Variants in HMCN2 observed in about 807,000 individuals in gnomAD.
HMCN2 encodes hemicentin 2, also known as hemicentin-2.
A neutral mutation model predicts 377.5 loss-of-function variants in HMCN2; 325 were observed. That is an observed-to-expected ratio of 0.86 (90% CI 0.79 to 0.94). The LOEUF (loss-of-function observed/expected upper bound fraction) is 0.94, where lower values mean the gene tolerates loss of function less well. HMCN2 is among the 40% of genes least tolerant of loss of function. HMCN2 has a pLI of 0.00. For missense variants in HMCN2, 4,543 were observed against 4,725.3 expected (o/e 0.96, Z 1.13); for synonymous variants, 2,007 against 2,046.8 (o/e 0.98, Z 0.53).
At position 130,375,833 on chromosome 9, in the gene HMCN2, G is replaced by A. The variant is rs541194022; in HGVS notation, c.7805-43G>A. On this transcript the variant is annotated intron_variant, in intron 50 of 97. Transcript: ENST00000683500. ...GAGCCTGTCCTCATGCCTGGCATGA[G>A]GCTGCAGATTTGGGGTGACCCTGGC... 1.2e-5 allele frequency: 12 copies of A among 983,212 alleles called. No individual in the cohort carries two copies. In the South Asian group the frequency reaches 4.2e-4, roughly 35 times the overall value. The allele number at this position is 983,212 out of a possible 1,614,324, so 60.9% of individuals were successfully genotyped here.
At chr9:130,384,335 T>C (rs1342375760) in intron 57 of HMCN2, 38 bp from the exon 58 acceptor site, 1 of 1,267,258 alleles carries the variant, frequency 7.9e-7, no homozygotes, top group Non-Finnish European at 1.0e-6. Flanking sequence ...CTGGTGTGAT[T>C]CTCATGCCTT....
At chr9:130,412,195 C>T (rs1226112802) in intron 85 of HMCN2, among the ~76,000 whole-genome samples, 1 of 152,184 alleles carries the variant, frequency 6.6e-6, no homozygotes, top group African/African-American at 2.4e-5. Context: ...TGCTCTTGAA[C>T]TTCTGACCTC....
At chr9:130,350,002 G>A (rs1454238901) in intron 29 of HMCN2, among the ~76,000 whole-genome samples, 3 of 140,824 alleles carry the variant, frequency 2.1e-5, no homozygotes, top group Non-Finnish European at 4.5e-5. Context: ...GGCTTCTTGG[G>A]CTCAAGAGAT....
intron 66 of HMCN2, among the ~76,000 whole-genome samples, chr9:130,392,818 A>G (rs1247736629): frequency 6.6e-6 from 1 of 152,026 alleles, no homozygotes; most frequent in Non-Finnish European, 1.5e-5. Context: ...AACACGGTGA[A>G]ACCCCGTCTC....
chr9:130,296,788 T>C lies in HMCN2; in HGVS notation c.1006T>C (p.Leu336=), dbSNP rs1172646059. The change falls in exon 7 of 98, where the codon TTG becomes CTG. Residue 336 remains leucine (L), a synonymous_variant. Coordinates refer to ENST00000683500, the MANE Select transcript of HMCN2 (RefSeq NM_001291815.2). The part of the protein sequence containing the change: ...LDLNHTLEWP[L]QGVPISLVIN... ...CCTCAACCACACCCTCGAGTGGCCC[T>C]TGCAAGGTACAGTACCCCGACCCTA... The C allele has an allele frequency of 2.1e-6, 1 of 470,954 alleles. No individual in the cohort carries two copies. The highest frequency in any genetic ancestry group is 4.4e-6 in the Non-Finnish European group (1 of 227,032). 29.2% of individuals were successfully genotyped at this position (470,954 alleles called of 1,614,324 possible).
intron 85 of HMCN2, among the ~76,000 whole-genome samples, chr9:130,418,420 G>A (rs1201728468): frequency 6.6e-6 from 1 of 152,140 alleles, no homozygotes; most frequent in East Asian, 1.9e-4. Flanking sequence ...AATCAGCCAG[G>A]TGTGGTAGCA....
In HMCN2 at chr9:130,428,489, G is replaced by A; in HGVS notation, c.14197G>A (p.Asp4733Asn). The part of the protein sequence containing the change: ...FRVADGAGCE[D>N]VDECLEGLDD... ...GGTGGCTGATGGGGCCGGCTGTGAA[G>A]GTGATGGGGGCACAGCATGCGGCCT... The change falls in exon 93 of 98, where the codon GAT becomes AAT. Residue 4733 changes from aspartate to asparagine, a missense_variant and splice_region_variant. Coordinates refer to ENST00000683500, the MANE Select transcript of HMCN2 (RefSeq NM_001291815.2). This position sits in a 1 kb window ranked among gnomAD's most constrained non-coding sequence, Gnocchi z 5.0. 1 of 1,539,658 alleles carries A rather than the reference G, an allele frequency of 6.5e-7. No individual in the cohort carries two copies. Among genetic ancestry groups the A allele is most frequent in the Non-Finnish European group, 8.7e-7 (1 of 1,146,870 alleles).
chr9:130,401,056 A>G (rs1469881585), intron 77 of HMCN2, 109 bp downstream of exon 77: 4 of 991,234 alleles, frequency 4.0e-6, no homozygotes, highest in South Asian at 1.6e-5. Context: ...CTGGCCTGGC[A>G]CTGCCTCTCC....
At chr9:130,280,384 G>A (rs565053624) in intron 1 of HMCN2, among the ~76,000 whole-genome samples, 3 of 151,296 alleles carry the variant, frequency 2.0e-5, no homozygotes, top group African/African-American at 7.3e-5. Flanking sequence ...ATGTTAGCCA[G>A]GATGGTCTCG....
At chr9:130,282,959 T>A (rs1279372905) in intron 1 of HMCN2, among the ~76,000 whole-genome samples, 2 of 152,138 alleles carry the variant, frequency 1.3e-5, no homozygotes, top group Admixed American at 6.5e-5. Flanking sequence ...TGGTCCCAGC[T>A]ACTCAGGGGG....
At chr9:130,411,496 A>T (rs1472283101) in intron 85 of HMCN2, among the ~76,000 whole-genome samples, 1 of 148,384 alleles carries the variant, frequency 6.7e-6, no homozygotes, top group Non-Finnish European at 1.5e-5. Flanking sequence ...GTCATTCAGG[A>T]GGCTGAGGCA....
Position 130,404,918 on chromosome 9 carries a change from C to T in HMCN2, c.12198C>T (p.Gly4066=), listed in dbSNP as rs1208968251. Residue 4066 remains glycine (G), a synonymous_variant, in exon 81 of 98, where the codon GGC becomes GGT. Coordinates refer to ENST00000683500, the MANE Select transcript of HMCN2 (RefSeq NM_001291815.2). ...NGLPDLSTTE[G]SHAFLPCKAR... is the part of the protein sequence containing the mutation. ...TCCCAGACCTGTCCACCACCGAAGG[C>T]TCCCACGCCTTCTTGCCTTGCAAGG... is the stretch of plus-strand genomic sequence containing the variant. 8.5e-6 allele frequency: 11 copies of T among 1,287,518 alleles called. No homozygotes were observed. The highest frequency in any genetic ancestry group is 1.0e-5 in the Non-Finnish European group (10 of 987,744). 79.8% of individuals were successfully genotyped at this position (1,287,518 alleles called of 1,614,324 possible).
intron 80 of HMCN2, 116 bp downstream of exon 80, chr9:130,403,991 T>G: frequency 1.0e-6 from 1 of 999,700 alleles, no homozygotes; most frequent in Non-Finnish European, 1.3e-6. Context: ...TAGAAGGAAT[T>G]AAGGGGAAAA....
At position 130,351,898 on chromosome 9, in the gene HMCN2, C is replaced by G. The variant is rs952558796; in HGVS notation, c.4585+321C>G. ...ACCATCTTGGCTCACTGCAACCTCC[C>G]CCTCCCAGATTCAAGTGATTCTCTT... On this transcript the variant is annotated intron_variant, in intron 30 of 97. Coordinates refer to ENST00000683500, the MANE Select transcript of HMCN2 (RefSeq NM_001291815.2). This position sits in a 1 kb window ranked among gnomAD's most constrained non-coding sequence, Gnocchi z 5.4. Among the ~76,000 whole-genome samples the G allele has an allele frequency of 1.3e-5, 2 of 152,060 alleles. No homozygotes were observed. The highest frequency in any genetic ancestry group is 2.9e-5 in the Non-Finnish European group (2 of 68,004).
intron 7 of HMCN2, among the ~76,000 whole-genome samples, chr9:130,297,783 C>G (rs1554932649): frequency 6.6e-6 from 1 of 152,126 alleles, no homozygotes; most frequent in African/African-American, 2.4e-5. Context: ...TTGCCGATAG[C>G]AGAAAGGGAA....
chr9:130,296,877 G>A (rs577841975), intron 7 of HMCN2, 83 bp downstream of exon 7: 14 of 446,476 alleles, frequency 3.1e-5, no homozygotes, highest in South Asian at 1.9e-4. Context: ...GGGGAGGTGT[G>A]GGGGGAATGC....
chr9:130,328,491 G>A (rs1405244359), intron 22 of HMCN2, among the ~76,000 whole-genome samples: 3 of 152,240 alleles, frequency 2.0e-5, no homozygotes, highest in Non-Finnish European at 2.9e-5. Flanking sequence ...TAATAGGTCA[G>A]CTGGGAGCTG....
At chr9:130,420,017 C>T (rs913973280) in intron 86 of HMCN2, among the ~76,000 whole-genome samples, 13 of 151,416 alleles carry the variant, frequency 8.6e-5, no homozygotes, top group African/African-American at 3.2e-4. Flanking sequence ...TCAGAGTTAG[C>T]CTTGGGTCTA....
intron 1 of HMCN2, among the ~76,000 whole-genome samples, chr9:130,275,434 T>C (rs1834638494): frequency 6.6e-6 from 1 of 152,154 alleles, no homozygotes; most frequent in African/African-American, 2.4e-5. Context: ...TCACCCTGAG[T>C]GACATTGCTA....
Sources: allele counts gnomAD v4.1 joint callset (sites outside exome capture counted in the v4.1 genomes callset), GRCh38; gene constraint gnomAD v4.1.1; non-coding constraint Gnocchi (gnomAD v3.1); transcripts MANE v1.5; gene names NCBI Gene and HGNC (gene_info 2026-07-23, HGNC 2026-07-21).